HTR1E: variants seen among roughly 807,000 people sequenced by gnomAD.
HTR1E encodes the protein 5-hydroxytryptamine receptor 1E, also known as 5-HT-1E.
A neutral mutation model predicts 3.4 loss-of-function variants in HTR1E; 3 were observed. The observed-to-expected ratio is 0.89, with a 90% confidence interval of 0.41 to 2.31. The LOEUF is 2.31. Ranked by LOEUF, HTR1E falls within the 30% of genes most tolerant of loss-of-function variation. The probability of loss-of-function intolerance (pLI) is 0.05; values close to 1 mark genes in which losing one functional copy is unlikely to be tolerated. For synonymous variants in HTR1E, 170 were observed against 182.8 expected (o/e 0.93, Z 0.56); for missense variants, 392 against 467.0 (o/e 0.84, Z 1.48).
intron 1 of HTR1E, among the ~76,000 whole-genome samples, chr6:86,965,928 T>C (rs75286999): frequency 0.16 from 23,845 of 151,872 alleles, 2,136 homozygotes; most frequent in East Asian, 0.29. Context: ...GATGGATGCA[T>C]CAAAATGTCA....
Position 86,956,316 on chromosome 6 carries a change from A to G in HTR1E, c.-186+18493A>G, listed in dbSNP as rs190621181. 7.3e-3 allele frequency among the ~76,000 whole-genome samples: 1,118 copies of G among 152,254 alleles called. 12 individuals are homozygous for G. The highest frequency in any genetic ancestry group is 0.02 in the South Asian group (95 of 4,816). Reference sequence around the variant, plus strand: ...TTTAAAAGTCTGATAAGAAATATTTACCATCTAATCTCTCTGAAGCCTGCT... The same window carrying G: ...TTTAAAAGTCTGATAAGAAATATTTGCCATCTAATCTCTCTGAAGCCTGCT... On this transcript the variant is annotated intron_variant, in intron 1 of 1. Coordinates refer to ENST00000305344, the MANE Select transcript of HTR1E (RefSeq NM_000865.3).
chr6:87,007,853 G>A (rs1315270554), intron 1 of HTR1E, among the ~76,000 whole-genome samples: 2 of 152,094 alleles, frequency 1.3e-5, no homozygotes, highest in African/African-American at 4.8e-5. Flanking sequence ...AGGATCGCTT[G>A]ACACTGGAAG....
At chr6:86,975,611 C>T (rs1767624220) in intron 1 of HTR1E, among the ~76,000 whole-genome samples, 1 of 152,028 alleles carries the variant, frequency 6.6e-6, no homozygotes, top group African/African-American at 2.4e-5. Flanking sequence ...ACCCTCCTCA[C>T]TCTACCAGGA....
intron 1 of HTR1E, among the ~76,000 whole-genome samples, chr6:87,006,973 C>T (rs939925291): frequency 1.3e-5 from 2 of 152,070 alleles, no homozygotes; most frequent in African/African-American, 2.4e-5. Context: ...CTAATGCTTG[C>T]GGAGCTTAAT....
At chr6:86,988,216 T>C (rs1462183535) in intron 1 of HTR1E, among the ~76,000 whole-genome samples, 1 of 152,146 alleles carries the variant, frequency 6.6e-6, no homozygotes, top group African/African-American at 2.4e-5. Context: ...TTGAGGTAGG[T>C]ATGGATCAAA....
intron 1 of HTR1E, among the ~76,000 whole-genome samples, chr6:87,009,995 C>A (rs1403116254): frequency 2.4e-5 from 3 of 125,306 alleles, no homozygotes; most frequent in African/African-American, 6.4e-5. Context: ...GACGGGGTGG[C>A]TGGCCGGGCG....
At chr6:86,990,914 T>C (rs1175616511) in intron 1 of HTR1E, among the ~76,000 whole-genome samples, 1 of 151,980 alleles carries the variant, frequency 6.6e-6, no homozygotes, top group African/African-American at 2.4e-5. Context: ...AAGGGAAAAA[T>C]AGTAACTTTA....
chr6:86,985,749 TG>T (rs1562067661), intron 1 of HTR1E, among the ~76,000 whole-genome samples: 1 of 152,224 alleles, frequency 6.6e-6, no homozygotes. Flanking sequence ...GCAAGGACCA[TG>T]GCCATCCTTT....
At chr6:86,944,561 C>A (rs1768589049) in intron 1 of HTR1E, among the ~76,000 whole-genome samples, 1 of 152,152 alleles carries the variant, frequency 6.6e-6, no homozygotes, top group Non-Finnish European at 1.5e-5. Context: ...ATAAGAACAG[C>A]AAATCAATGA....
At chr6:86,978,012 T>G (rs1002140541) in intron 1 of HTR1E, among the ~76,000 whole-genome samples, 1 of 152,230 alleles carries the variant, frequency 6.6e-6, no homozygotes, top group Non-Finnish European at 1.5e-5. Flanking sequence ...GTTGATAGTG[T>G]CTTTTACTCA....
chr6:86,995,581 G>A (rs1386204991), intron 1 of HTR1E, among the ~76,000 whole-genome samples: 6 of 143,726 alleles, frequency 4.2e-5, no homozygotes, highest in African/African-American at 1.6e-4. Context: ...CAGAAGAAAC[G>A]CTTGAACCTG....
chr6:87,012,882 G>C (rs538086482), intron 1 of HTR1E, among the ~76,000 whole-genome samples: 3 of 152,306 alleles, frequency 2.0e-5, no homozygotes, highest in African/African-American at 7.2e-5. Context: ...CTGACAAGTG[G>C]CAGGGTCAGC....
intron 1 of HTR1E, among the ~76,000 whole-genome samples, chr6:87,004,784 G>A (rs1165620836): frequency 6.6e-6 from 1 of 152,048 alleles, no homozygotes; most frequent in African/African-American, 2.4e-5. Flanking sequence ...ACTCAAATCA[G>A]AAAAGAAGTC....
intron 1 of HTR1E, among the ~76,000 whole-genome samples, chr6:86,987,540 A>G (rs1403749369): frequency 6.6e-6 from 1 of 152,140 alleles, no homozygotes; most frequent in East Asian, 1.9e-4. Flanking sequence ...TATGGCAGCC[A>G]CTAATCACAT....
chr6:86,956,419 T>C (rs1056509961), intron 1 of HTR1E, among the ~76,000 whole-genome samples: 2 of 152,220 alleles, frequency 1.3e-5, no homozygotes, highest in Non-Finnish European at 2.9e-5. Flanking sequence ...CCTTTCTATA[T>C]TGATTCCAGT....
At chr6:86,987,583 T>C (rs1767808215) in intron 1 of HTR1E, among the ~76,000 whole-genome samples, 1 of 152,116 alleles carries the variant, frequency 6.6e-6, no homozygotes. Flanking sequence ...TTAGCACTAG[T>C]ATAACTGAGG....
chr6:86,965,854 A>C (rs1767464659), intron 1 of HTR1E, among the ~76,000 whole-genome samples: 1 of 152,120 alleles, frequency 6.6e-6, no homozygotes, highest in Non-Finnish European at 1.5e-5. Context: ...GACTCGGGGG[A>C]AAGGGTAGGA....
At chr6:86,947,805 G>T (rs1308755063) in intron 1 of HTR1E, among the ~76,000 whole-genome samples, 1 of 152,136 alleles carries the variant, frequency 6.6e-6, no homozygotes, top group Non-Finnish European at 1.5e-5. Context: ...AAGAAATATA[G>T]TTAATAATTG....
chr6:86,964,477 G>A (rs1767447406), intron 1 of HTR1E, among the ~76,000 whole-genome samples: 1 of 152,218 alleles, frequency 6.6e-6, no homozygotes, highest in Non-Finnish European at 1.5e-5. Context: ...AAATGTGATA[G>A]CAGGTGATAT....
Sources: gnomAD v4.1 joint callset for allele counts (sites outside exome capture counted in the v4.1 genomes callset) on GRCh38, gnomAD v4.1.1 for gene constraint, MANE v1.5 for transcripts, NCBI Gene and HGNC (gene_info 2026-07-23, HGNC 2026-07-21) for gene names.